The following AFF2 variants were observed in gnomAD, a reference collection of about 807,000 sequenced individuals.
AFF2 encodes AF4/FMR2 family member 2.
AFF2 carries 14 observed loss-of-function variants against 76.9 expected under a neutral mutation model. The ratio of observed to expected loss-of-function variants is 0.18; its 90% CI spans 0.12 to 0.28. AFF2 has a LOEUF of 0.28. Ranked by LOEUF, AFF2 falls within the 10% of genes least tolerant of loss-of-function variation. The pLI is 1.00. For synonymous variants in AFF2, 398 were observed against 366.7 expected (o/e 1.09, Z -0.98); for missense variants, 868 against 1,001.1 (o/e 0.87, Z 1.79).
intron 3 of AFF2, among the ~76,000 whole-genome samples, chrX:148,676,212 A>C (rs2054482160): frequency 9.1e-6 from 1 of 109,291 alleles, no homozygotes; most frequent in Non-Finnish European, 1.9e-5. Flanking sequence ...GGCACCCACC[A>C]CCACGCCCGG....
In AFF2 at chrX:148,994,534, A is replaced by T. The variant is rs2072571546; in HGVS notation, c.*3202A>T. ...GCTGCTACTACTTTTAAAAGACTTA[A>T]GGTCGGGATGCCTTTTTTTCCATGT... On this transcript the variant is annotated 3_prime_UTR_variant, in exon 21 of 21. Transcript: ENST00000370460. 8.9e-6 allele frequency: 1 copy of T among 112,265 alleles called. No homozygotes were observed. Among genetic ancestry groups the T allele is most frequent in the African/African-American group, 3.2e-5 (1 of 30,870 alleles). The allele number at this position is 112,265 out of a possible 1,213,427, so 9.3% of individuals were successfully genotyped here.
At chrX:148,966,452 C>G (rs782748978) in intron 13 of AFF2, among the ~76,000 whole-genome samples, 1 of 109,716 alleles carries the variant, frequency 9.1e-6, no homozygotes, top group East Asian at 2.9e-4. Flanking sequence ...CTCCCTCCCT[C>G]CTCCTCTCTC....
Position 148,962,851 on chromosome X carries a change from A to G in AFF2, c.2827A>G (p.Ile943Val), listed in dbSNP as rs374800841. The G allele has an allele frequency of 6.5e-5, 79 of 1,209,346 alleles. No individual in the cohort carries two copies. The highest frequency in any genetic ancestry group is 8.7e-5 in the Non-Finnish European group (78 of 894,350). The stretch of plus-strand genomic sequence containing the variant: ...TGGTCCCTTTGGTCAAGACAAAAAC[A>G]TCGCCATGACTGGACAAATCACATC... ...NNGPFGQDKN[I>V]AMTGQITSTK... Residue 943 changes from isoleucine (I) to valine (V), a missense_variant, in exon 13 of 21, where the codon ATC (isoleucine) becomes GTC (valine). Ile to Val is a conservative substitution (Grantham distance 29). Around this residue, in one of 6 missense-constraint regions of AFF2, gnomAD observed 532 missense variants for 564.2 expected, o/e 0.94. Transcript: ENST00000370460.
chrX:148,983,695 G>A (rs1379795936), intron 19 of AFF2, among the ~76,000 whole-genome samples: 2 of 110,131 alleles, frequency 1.8e-5, no homozygotes, highest in African/African-American at 6.6e-5. Context: ...GCAATAAGTA[G>A]CCATCCATCC....
chrX:148,979,300 A>G (rs782138342), intron 18 of AFF2, among the ~76,000 whole-genome samples: 1 of 112,527 alleles, frequency 8.9e-6, no homozygotes, highest in South Asian at 3.7e-4. Context: ...GGAAGTGCAC[A>G]GCTTTATGAC....
chrX:148,817,573 C>T (rs1032849885), intron 4 of AFF2, among the ~76,000 whole-genome samples: 3 of 111,627 alleles, frequency 2.7e-5, no homozygotes, highest in African/African-American at 6.5e-5. Context: ...AACTTTTACA[C>T]GACATAGAAC....
chrX:148,823,056 A>G (rs2070347207), intron 4 of AFF2, among the ~76,000 whole-genome samples: 3 of 111,083 alleles, frequency 2.7e-5, no homozygotes. Context: ...TCTTTAATCC[A>G]GGAGCTCCCA....
At chrX:148,581,328 ATATACG>A (rs782317487) in intron 1 of AFF2, among the ~76,000 whole-genome samples, 10 of 95 alleles carry the variant, frequency 0.11, 4 homozygotes, top group Non-Finnish European at 0.3. Flanking sequence ...GTACACACAT[ATATACG>A]TATACGTATA....
rs1557287318 is a variant in AFF2, at chrX:148,956,276, C to G, written c.2231C>G (p.Ala744Gly). ...TGCATTATTTCTGGAGGTAATACTG[C>G]CAAATCCAAGGAAATCTGTGGTGCC... Reference protein sequence around the residue: ...PPCIISGGNTAKSKEICGASL... With the variant: ...PPCIISGGNTGKSKEICGASL... Residue 744 changes from alanine to glycine, a missense_variant, in exon 11 of 21, where the codon GCC (alanine) becomes GGC (glycine). Physicochemically the swap from Ala to Gly is moderately conservative, Grantham distance 60. This residue lies in a region of AFF2 where 532 missense variants were observed against 564.2 expected (regional missense o/e 0.94). Coordinates refer to ENST00000370460, the MANE Select transcript of AFF2 (RefSeq NM_002025.4). 1 of 1,211,755 alleles carries G rather than the reference C, an allele frequency of 8.3e-7. No individual in the cohort carries two copies. The highest frequency in any genetic ancestry group is 1.1e-6 in the Non-Finnish European group (1 of 895,462).
chrX:148,633,215 A>G (rs1350314585), intron 1 of AFF2, among the ~76,000 whole-genome samples: 1 of 111,893 alleles, frequency 8.9e-6, no homozygotes, highest in East Asian at 2.8e-4. Context: ...GGGACTCAAC[A>G]CAGTGCCCTT....
intron 9 of AFF2, among the ~76,000 whole-genome samples, chrX:148,939,698 T>C (rs1198941770): frequency 1.8e-5 from 2 of 112,164 alleles, no homozygotes; most frequent in Non-Finnish European, 3.8e-5. Context: ...TGTTTTCACT[T>C]CTTAGCCAGC....
intron 1 of AFF2, among the ~76,000 whole-genome samples, chrX:148,585,014 G>A (rs1248221381): frequency 8.9e-6 from 1 of 112,006 alleles, no homozygotes; most frequent in Non-Finnish European, 1.9e-5. Context: ...TAGAGGTGCT[G>A]TTCCAGGATA....
chrX:148,880,387 C>T (rs2071083632), intron 7 of AFF2, among the ~76,000 whole-genome samples: 1 of 111,444 alleles, frequency 9.0e-6, no homozygotes, highest in Admixed American at 9.5e-5. Flanking sequence ...AAATATATAA[C>T]TCTCTGAGTA....
At chrX:148,688,192 C>T (rs2054617372) in intron 3 of AFF2, among the ~76,000 whole-genome samples, 1 of 111,513 alleles carries the variant, frequency 9.0e-6, no homozygotes, top group Non-Finnish European at 1.9e-5. Context: ...TCTGGCCCCA[C>T]ACTGCTGAAC....
intron 9 of AFF2, among the ~76,000 whole-genome samples, chrX:148,920,633 C>CGCGT (rs1557283100): frequency 5.7e-5 from 6 of 104,753 alleles, no homozygotes; most frequent in African/African-American, 2.1e-4. Flanking sequence ...TGTGTGTGCG[C>CGCGT]GTGTGTGTGT....
chrX:148,577,436 G>A (rs2053302505), intron 1 of AFF2, among the ~76,000 whole-genome samples: 1 of 112,244 alleles, frequency 8.9e-6, no homozygotes, highest in Admixed American at 9.4e-5. Flanking sequence ...CATAAACCGT[G>A]TATGCTGCTA....
At chrX:148,834,761 G>A (rs782161815) in intron 4 of AFF2, among the ~76,000 whole-genome samples, 4 of 111,653 alleles carry the variant, frequency 3.6e-5, no homozygotes, top group African/African-American at 1.3e-4. Flanking sequence ...TATCCTTCAA[G>A]TGTTAATGAA....
intron 9 of AFF2, among the ~76,000 whole-genome samples, chrX:148,912,305 C>T (rs1240250638): frequency 8.9e-6 from 1 of 111,951 alleles, no homozygotes. Context: ...CCCCATCAGG[C>T]CCTGGTGTGT....
At position 148,849,128 on chromosome X, in the gene AFF2, G is replaced by T. The variant is rs2070701674; in HGVS notation, c.1262+5695G>T. Among the ~76,000 whole-genome samples, 3 of 111,358 alleles carry T rather than the reference G, an allele frequency of 2.7e-5. No homozygotes were observed. In the South Asian group the frequency reaches 1.1e-3, roughly 43 times the overall value. On this transcript the variant is annotated intron_variant, in intron 7 of 20. Transcript: ENST00000370460. ...GTTTGCATCAAGAAGCACTGAAGCT[G>T]CCGGGGCTTGATGGGTACCAAGATC...
Sources: allele counts gnomAD v4.1 joint callset (sites outside exome capture counted in the v4.1 genomes callset), GRCh38; gene constraint gnomAD v4.1.1; regional missense constraint gnomAD v4.1.1; transcripts MANE v1.5; gene names NCBI Gene and HGNC (gene_info 2026-07-23, HGNC 2026-07-21).